Variants in PKD1 observed in about 807,000 individuals in gnomAD.
PKD1 encodes the protein polycystin 1, transient receptor potential channel interacting.
A neutral mutation model predicts 361.7 loss-of-function variants in PKD1; 81 were observed. The observed-to-expected ratio is 0.22, with a 90% CI of 0.19 to 0.27. The LOEUF (loss-of-function observed/expected upper bound fraction) is 0.27. Ranked by LOEUF, PKD1 falls within the 10% of genes least tolerant of loss-of-function variation. The pLI, the probability that PKD1 is intolerant of heterozygous loss-of-function variation, is 1.00. For missense variants in PKD1, 6,399 were observed against 6,118.3 expected (o/e 1.05, Z -1.53); for synonymous variants, 3,615 against 2,818.3 (o/e 1.28, Z -8.95).
intron 1 of PKD1, among the ~76,000 whole-genome samples, chr16:2,120,722 C>T (rs2092707348): frequency 6.6e-6 from 1 of 151,882 alleles, no homozygotes; most frequent in African/African-American, 2.4e-5. Flanking sequence ...AAAGAGAAAG[C>T]AAGGAAAGAA....
At position 2,112,400 on chromosome 16, in the gene PKD1, C is replaced by A; in HGVS notation, c.3235G>T (p.Asp1079Tyr). 6.3e-7 allele frequency: 1 copy of A among 1,588,044 alleles called. No homozygotes were observed. The highest frequency in any genetic ancestry group is 8.5e-7 in the Non-Finnish European group (1 of 1,174,608). Residue 1079 changes from aspartate (D) to tyrosine (Y), a missense_variant, in exon 14 of 46, where the codon GAC becomes TAC. By Grantham distance (160) the Asp-to-Tyr change is radical. Coordinates refer to ENST00000262304, the MANE Select transcript of PKD1 (RefSeq NM_001009944.3). ...ACCAGCACCTGGGCCACCGAGGGGT[C>A]TGGAACCGGGAAGGACTCGTTGTAC... ...PPYNESFPVP[D>Y]PSVAQVLVEH...
Position 2,110,513 on chromosome 16 carries a change from C to A in PKD1, c.4654G>T (p.Val1552Phe). 6.2e-7 allele frequency: 1 copy of A among 1,611,888 alleles called. No homozygotes were observed. The highest frequency in any genetic ancestry group is 1.7e-5 in the Admixed American group (1 of 60,012). Residue 1552 changes from valine to phenylalanine, a missense_variant, in exon 15 of 46, where the codon GTC becomes TTC. Transcript: ENST00000262304. ...VTVKRRVRGL[V>F]VNASRTVVPL... Reference sequence around the variant, plus strand: ...ACCACCGTGCGGCTTGCATTGACGACGAGCCCCCGCACGCGCCGCTTCACC... The same window carrying A: ...ACCACCGTGCGGCTTGCATTGACGAAGAGCCCCCGCACGCGCCGCTTCACC...
rs1567218322 is a variant in PKD1, at chr16:2,118,333, C to T, written c.659G>A (p.Gly220Asp). The T allele has an allele frequency of 6.7e-7, 1 of 1,482,404 alleles. No homozygotes were observed. The highest frequency in any genetic ancestry group is 9.1e-7 in the Non-Finnish European group (1 of 1,100,060). The allele number at this position is 1,482,404 out of a possible 1,614,324, so 91.8% of individuals were successfully genotyped here. A position where few individuals can be genotyped will look rare whatever the true frequency, so the allele number is the denominator to read the frequency against. ...GCCCTGCTCCGAGAGGGCTGCGAGG[C>T]CCTGGCCGGTGGAGAAGCAGAAGGC... ...CSAFCFSTGQ[G>D]LAALSEQGWC... The change falls in exon 5 of 46, where the codon GGC (glycine) becomes GAC (aspartate). Residue 220 changes from glycine (G) to aspartate (D), a missense_variant. Gly to Asp is a moderately conservative substitution (Grantham distance 94, BLOSUM62 -1). Coordinates refer to ENST00000262304, the MANE Select transcript of PKD1 (RefSeq NM_001009944.3). The surrounding 1 kb of genome is among the most constrained non-coding windows in gnomAD (Gnocchi z 6.0).
Position 2,100,570 on chromosome 16 carries a change from G to C in PKD1, c.9398-4C>G. 6.2e-7 allele frequency: 1 copy of C among 1,609,064 alleles called. No individual in the cohort carries two copies. Among genetic ancestry groups the C allele is most frequent in the Non-Finnish European group, 8.5e-7 (1 of 1,179,198 alleles). On this transcript the variant is annotated splice_region_variant and splice_polypyrimidine_tract_variant and intron_variant, in intron 26 of 45. Coordinates refer to ENST00000262304, the MANE Select transcript of PKD1 (RefSeq NM_001009944.3). The surrounding 1 kb of genome is among the most constrained non-coding windows in gnomAD (Gnocchi z 4.4). Reference sequence around the variant, plus strand: ...ATGCCCACGTGGGCCGTGGTACCTGGGAGGCAAGAGGGAGGGGTGGGAGGC... The same window carrying C: ...ATGCCCACGTGGGCCGTGGTACCTGCGAGGCAAGAGGGAGGGGTGGGAGGC...
chr16:2,125,104 C>T lies in PKD1; in HGVS notation c.216-5726G>A, dbSNP rs568144573. On this transcript the variant is annotated intron_variant, in intron 1 of 45. Coordinates refer to ENST00000262304, the MANE Select transcript of PKD1 (RefSeq NM_001009944.3). ...CCGAGCCATGACCTCATCTGTTTCC[C>T]TCTGCGCTGTGCTCCTTTCTATTTA... Among the ~76,000 whole-genome samples the T allele has an allele frequency of 2.1e-4, 32 of 152,382 alleles. No homozygotes were observed. In the East Asian group the frequency reaches 5.8e-3, roughly 28 times the overall value.
At chr16:2,120,446 T>C (rs1038429170) in intron 1 of PKD1, among the ~76,000 whole-genome samples, 1 of 152,150 alleles carries the variant, frequency 6.6e-6, no homozygotes, top group Non-Finnish European at 1.5e-5. Flanking sequence ...AAAAGGAAAC[T>C]GGGTGTGGTG....
At position 2,092,178 on chromosome 16, in the gene PKD1, T is replaced by C. The variant is rs1424390108; in HGVS notation, c.11280A>G (p.Pro3760=). The C allele has an allele frequency of 8.7e-6, 14 of 1,603,508 alleles. No individual in the cohort carries two copies. The highest frequency in any genetic ancestry group is 1.2e-5 in the Non-Finnish European group (14 of 1,176,206). ...TGTGGACCCTGGGGCCGGGAGGGTC[T>C]GGGTAGAGTGCTGAAACACACAGAG... The part of the protein sequence containing the change: ...RQVRLQEALY[P]DPPGPRVHTC... The change falls in exon 40 of 46, where the codon CCA becomes CCG. Residue 3760 remains proline (P), a synonymous_variant. Transcript: ENST00000262304.
chr16:2,112,131 G>A (rs1001022428), intron 14 of PKD1, among the ~76,000 whole-genome samples: 7 of 152,308 alleles, frequency 4.6e-5, no homozygotes, highest in African/African-American at 9.6e-5. Flanking sequence ...CGGGGAGGGC[G>A]GGGGGCGCAG....
In PKD1 at chr16:2,135,702, G is replaced by C. The variant is rs2092942305; in HGVS notation, c.-13C>G. ...CGGCGGGCGGCATCGTTAGGGCAGC[G>C]CGCGCATGGCCCCGCCGTCCCCAGG... On this transcript the variant is annotated 5_prime_UTR_variant, in exon 1 of 46. Coordinates refer to ENST00000262304, the MANE Select transcript of PKD1 (RefSeq NM_001009944.3). 1 of 894,930 alleles carries C rather than the reference G, an allele frequency of 1.1e-6. No homozygotes were observed. The highest frequency in any genetic ancestry group is 5.7e-4 in the Middle Eastern group (1 of 1,760). 55.4% of individuals were successfully genotyped at this position (894,930 alleles called of 1,614,324 possible).
chr16:2,108,625 T>C lies in PKD1; in HGVS notation c.6542A>G (p.Tyr2181Cys), dbSNP rs1335489484. Residue 2181 changes from tyrosine to cysteine, a missense_variant, in exon 15 of 46, where the codon TAC becomes TGC. Physicochemically the swap from Tyr to Cys is radical, Grantham distance 194. Coordinates refer to ENST00000262304, the MANE Select transcript of PKD1 (RefSeq NM_001009944.3). ...AHVDLRDCVT[Y>C]QTEYRWEVYR... ...CACCTCCCAGCGGTACTCAGTCTGG[T>C]AGGTGACGCAGTCGCGCAGGTCAAC... is the stretch of plus-strand genomic sequence containing the variant. The C allele has an allele frequency of 1.9e-6, 3 of 1,560,186 alleles. No individual in the cohort carries two copies. The highest frequency in any genetic ancestry group is 1.7e-6 in the Non-Finnish European group (2 of 1,153,054).
At position 2,107,250 on chromosome 16, in the gene PKD1, A is replaced by T. The variant is rs1282497762; in HGVS notation, c.7066-302T>A. 3 of 455,244 alleles carry T rather than the reference A, an allele frequency of 6.6e-6. No homozygotes were observed. In the Admixed American group the frequency reaches 1.0e-4, roughly 15 times the overall value. The allele number at this position is 455,244 out of a possible 1,614,324, so 28.2% of individuals were successfully genotyped here. On this transcript the variant is annotated intron_variant, in intron 16 of 45. Coordinates refer to ENST00000262304, the MANE Select transcript of PKD1 (RefSeq NM_001009944.3). ...CCTGGGGGGATGCGTGTGAGAAGAG[A>T]CGTATGTGTGGGTGTGAGGACCGCA...
At position 2,110,134 on chromosome 16, in the gene PKD1, C is replaced by T. The variant is rs780369979; in HGVS notation, c.5033G>A (p.Gly1678Asp). Reference sequence around the variant, plus strand: ...GGTGAGCGAGAAGCCTTTGCCGCTGCCGGCCAGGGCCGGGCCCCTGTCCCT... The same window carrying T: ...GGTGAGCGAGAAGCCTTTGCCGCTGTCGGCCAGGGCCGGGCCCCTGTCCCT... Reference protein sequence around the residue: ...AWRDRGPALAGSGKGFSLTVL... With the variant: ...AWRDRGPALADSGKGFSLTVL... Residue 1678 changes from glycine (G) to aspartate (D), a missense_variant, in exon 15 of 46, where the codon GGC (glycine) becomes GAC (aspartate). By Grantham distance (94) the Gly-to-Asp change is moderately conservative. Transcript: ENST00000262304. 4 of 1,609,118 alleles carry T rather than the reference C, an allele frequency of 2.5e-6. No individual in the cohort carries two copies. Among genetic ancestry groups the T allele is most frequent in the Non-Finnish European group, 3.4e-6 (4 of 1,179,208 alleles).
At position 2,090,507 on chromosome 16, in the gene PKD1, C is replaced by T; in HGVS notation, c.12222G>A (p.Leu4074=). The change falls in exon 45 of 46, where the codon CTG becomes CTA. Residue 4074 remains leucine, a synonymous_variant. Transcript: ENST00000262304. ...ACAGGTGCCAGGACTCGGCAGGACA[C>T]AGGGTAGAGAGCCCAGTCCCAGGGC... is the stretch of plus-strand genomic sequence containing the variant. ...VLCPGTGLST[L]CPAESWHLSP... The T allele has an allele frequency of 1.2e-6, 2 of 1,611,354 alleles. No homozygotes were observed. The highest frequency in any genetic ancestry group is 1.7e-6 in the Non-Finnish European group (2 of 1,179,508).
chr16:2,113,923 T>G, intron 11 of PKD1: 1 of 579,660 alleles, frequency 1.7e-6, no homozygotes, highest in East Asian at 2.9e-5. Context: ...GAGCAGAGTT[T>G]TAAATTCATT....
In PKD1 at chr16:2,106,235, C is replaced by T; in HGVS notation, c.7559G>A (p.Gly2520Asp). Reference sequence around the variant, plus strand: ...GTAGACACAGAACTCCTCGCAGTGGCCCTGGCGACAGCGCCGCAGCAGCAG... The same window carrying T: ...GTAGACACAGAACTCCTCGCAGTGGTCCTGGCGACAGCGCCGCAGCAGCAG... ...YALLLRRCRQGHCEEFCVYKG... is the reference protein window; with the variant it reads ...YALLLRRCRQDHCEEFCVYKG... The change falls in exon 19 of 46, where the codon GGC becomes GAC. Residue 2520 changes from glycine (G) to aspartate (D), a missense_variant. Coordinates refer to ENST00000262304, the MANE Select transcript of PKD1 (RefSeq NM_001009944.3). This position sits in a 1 kb window ranked among gnomAD's most constrained non-coding sequence, Gnocchi z 6.5. The T allele has an allele frequency of 1.2e-6, 2 of 1,610,240 alleles. No homozygotes were observed. Among genetic ancestry groups the T allele is most frequent in the Non-Finnish European group, 8.5e-7 (1 of 1,179,560 alleles).
chr16:2,111,388 A>G lies in PKD1; in HGVS notation c.3779T>C (p.Val1260Ala). Residue 1260 changes from valine to alanine, a missense_variant, in exon 15 of 46, where the codon GTG (valine) becomes GCG (alanine). By Grantham distance (64) the Val-to-Ala change is moderately conservative. Transcript: ENST00000262304. ...CTGTGCCCGCAGGTACACATGCTCC[A>G]CTGTTGCCTCCGGGCCCGACAGCAC... Reference protein sequence around the residue: ...GTVLSGPEATVEHVYLRAQNC... With the variant: ...GTVLSGPEATAEHVYLRAQNC... 1 of 1,611,418 alleles carries G rather than the reference A, an allele frequency of 6.2e-7. No individual in the cohort carries two copies.
intron 39 of PKD1, 107 bp from the exon 40 acceptor site, chr16:2,092,295 G>A (rs547816719): frequency 7.1e-6 from 9 of 1,260,302 alleles, no homozygotes; most frequent in African/African-American, 5.9e-5. Flanking sequence ...CCACCCCAGG[G>A]AACCCTCCCA....
At position 2,111,002 on chromosome 16, in the gene PKD1, T is replaced by A. The variant is rs781293311; in HGVS notation, c.4165A>T (p.Arg1389Trp). The stretch of plus-strand genomic sequence containing the variant: ...TCGTCCCCGAGCTGCACAAACTGCC[T>A]CTCTGGCTGCAGGGTGACGTTGCCC... ...EVGNVTLQPE[R>W]QFVQLGDEAW... The change falls in exon 15 of 46, where the codon AGG becomes TGG. Residue 1389 changes from arginine to tryptophan, a missense_variant. Transcript: ENST00000262304. The A allele has an allele frequency of 6.2e-7, 1 of 1,610,616 alleles. No homozygotes were observed. Among genetic ancestry groups the A allele is most frequent in the East Asian group, 2.2e-5 (1 of 44,880 alleles).
chr16:2,123,384 T>C lies in PKD1; in HGVS notation c.216-4006A>G, dbSNP rs1219173312. ...GTAGGACTCAGGTGCCCCCTGGGTG[T>C]GGAAGCATCTGCCCTGGGCAGGACT... On this transcript the variant is annotated intron_variant, in intron 1 of 45. Transcript: ENST00000262304. The C allele has an allele frequency of 1.1e-5, 5 of 441,458 alleles. No individual in the cohort carries two copies. In the East Asian group the frequency reaches 3.5e-4, roughly 31 times the overall value. The allele number at this position is 441,458 out of a possible 1,614,324, so 27.3% of individuals were successfully genotyped here.
Sources: gnomAD v4.1 joint callset for allele counts (sites outside exome capture counted in the v4.1 genomes callset) on GRCh38, gnomAD v4.1.1 for gene constraint, Gnocchi (gnomAD v3.1) non-coding constraint, MANE v1.5 for transcripts, NCBI Gene and HGNC (gene_info 2026-07-23, HGNC 2026-07-21) for gene names.